TEP1: variants seen among roughly 807,000 people sequenced by gnomAD.
TEP1 encodes the protein telomerase associated protein 1, also known as telomerase protein component 1.
A neutral mutation model predicts 306.3 loss-of-function variants in TEP1; 241 were observed. The observed-to-expected ratio is 0.79, with a 90% CI of 0.71 to 0.88. The LOEUF (loss-of-function observed/expected upper bound fraction) is 0.88, where lower values mean the gene tolerates loss of function less well. Ranked by LOEUF, TEP1 falls within the 40% of genes least tolerant of loss-of-function variation. TEP1 has a pLI of 0.00. For synonymous variants in TEP1, 1,289 were observed against 1,305.5 expected, an observed-to-expected ratio of 0.99 and a Z score of 0.27; for missense variants, 3,051 against 3,276.1, an observed-to-expected ratio of 0.93 and a Z score of 1.68.
Position 20,395,922 on chromosome 14 carries a change from G to T in TEP1, c.1687C>A (p.Pro563Thr). 1.2e-6 allele frequency: 2 copies of T among 1,614,098 alleles called. No homozygotes were observed. Among genetic ancestry groups the T allele is most frequent in the Non-Finnish European group, 1.7e-6 (2 of 1,179,992 alleles). The part of the protein sequence containing the change: ...AKSVIHSRQF[P>T]FRFLNAHDAI... ...TCATGGGCGTTAAGAAATCTGAATGGAAACTGCCGACTGTGGATCACCGAC... is the reference window on the plus strand; with the variant it reads ...TCATGGGCGTTAAGAAATCTGAATGTAAACTGCCGACTGTGGATCACCGAC... Residue 563 changes from proline to threonine, a missense_variant, in exon 11 of 55, where the codon CCA becomes ACA. Physicochemically the swap from Pro to Thr is conservative, Grantham distance 38. Coordinates refer to ENST00000262715, the MANE Select transcript of TEP1 (RefSeq NM_007110.5).
chr14:20,404,442 C>T (rs111894686), intron 5 of TEP1, among the ~76,000 whole-genome samples, 169 bp downstream of exon 5: 115 of 151,874 alleles, frequency 7.6e-4, no homozygotes, highest in African/African-American at 2.7e-3. Flanking sequence ...ATCACATTCT[C>T]CATGCTGGAC....
At chr14:20,385,228 C>T (rs1206242532) in intron 20 of TEP1, 119 bp from the exon 21 acceptor site, 7 of 1,318,158 alleles carry the variant, frequency 5.3e-6, no homozygotes, top group African/African-American at 1.5e-5. Context: ...CCTCCAGGCA[C>T]AAGCAATAAA....
At chr14:20,374,744 TA>T (rs1464492793) in intron 43 of TEP1, among the ~76,000 whole-genome samples, 1 of 152,178 alleles carries the variant, frequency 6.6e-6, no homozygotes, top group Non-Finnish European at 1.5e-5. Context: ...TTAATGAGTA[TA>T]ATGATAATGT....
In TEP1 at chr14:20,368,439, A is replaced by T; in HGVS notation, c.7882T>A (p.Ter2628ArgextTer7). Residue 2628 changes from the stop codon to arginine (R), a stop_lost, in exon 55 of 55, where the codon TGA (stop) becomes AGA (arginine). Coordinates refer to ENST00000262715, the MANE Select transcript of TEP1 (RefSeq NM_007110.5). Reference sequence around the variant, plus strand: ...CATTATTCCCGAGTGGCACATCTTCATTCCCAATTCAGAAAGTACACATTG... The same window carrying T: ...CATTATTCCCGAGTGGCACATCTTCTTTCCCAATTCAGAAAGTACACATTG... The part of the protein sequence containing the change: ...QGNVYFLNWE[*>R] The T allele has an allele frequency of 1.2e-6, 2 of 1,614,092 alleles. No individual in the cohort carries two copies. The highest frequency in any genetic ancestry group is 2.7e-5 in the African/African-American group (2 of 75,038).
intron 41 of TEP1, 50 bp downstream of exon 41, chr14:20,377,226 AAAAG>A (rs1885228815): frequency 6.5e-5 from 94 of 1,446,070 alleles, no homozygotes; most frequent in Non-Finnish European, 7.9e-5. Context: ...AAAAAAAAAA[AAAAG>A]AAAAGAAAAG....
intron 33 of TEP1, 96 bp downstream of exon 33, chr14:20,380,835 C>T: frequency 9.6e-7 from 1 of 1,039,218 alleles, no homozygotes; most frequent in Non-Finnish European, 1.5e-6. Flanking sequence ...TTTTCCCTGA[C>T]ACCCACACCC....
chr14:20,403,627 G>C, intron 6 of TEP1, 96 bp downstream of exon 6: 2 of 1,595,090 alleles, frequency 1.3e-6, no homozygotes, highest in Non-Finnish European at 1.7e-6. Flanking sequence ...GACTCCCTTT[G>C]CTCCTGGTGT....
In TEP1 at chr14:20,403,374, C is replaced by T; in HGVS notation, c.1266+3G>A. The T allele has an allele frequency of 5.0e-6, 8 of 1,614,056 alleles. No individual in the cohort carries two copies. Among genetic ancestry groups the T allele is most frequent in the Non-Finnish European group, 6.8e-6 (8 of 1,180,006 alleles). On this transcript the variant is annotated splice_donor_region_variant and intron_variant, in intron 7 of 54. Transcript: ENST00000262715. ...ATATACAACCCCAGAAGAAGGGACT[C>T]ACCTTTCTCTGCTCTTCTCTGAGAA...
chr14:20,401,403 G>A (rs1878730162), intron 8 of TEP1, 54 bp downstream of exon 8: 7 of 1,604,856 alleles, frequency 4.4e-6, no homozygotes, highest in Non-Finnish European at 6.0e-6. Context: ...CACGGATGTT[G>A]AAAAGTTAAG....
Position 20,369,468 on chromosome 14 carries a change from G to A in TEP1, c.7532C>T (p.Thr2511Ile). ...TGTCCCTGGAGTTTGGGTTTCTGGA[G>A]TGTTTGCTTTTTTCTGCCACATGTT... ...TGNMWQKKAN[T>I]PETQTPGTDP... The change falls in exon 53 of 55, where the codon ACT (threonine) becomes ATT (isoleucine). Residue 2511 changes from threonine (T) to isoleucine (I), a missense_variant. Around this residue, in one of 3 missense-constraint regions of TEP1, gnomAD observed 1,540 missense variants for 1,705.9 expected, o/e 0.90. Coordinates refer to ENST00000262715, the MANE Select transcript of TEP1 (RefSeq NM_007110.5). 1.2e-6 allele frequency: 2 copies of A among 1,614,200 alleles called. No homozygotes were observed. Among genetic ancestry groups the A allele is most frequent in the Non-Finnish European group, 1.7e-6 (2 of 1,180,040 alleles).
chr14:20,385,468 G>A (rs930546625), intron 20 of TEP1, among the ~76,000 whole-genome samples: 19 of 152,026 alleles, frequency 1.2e-4, no homozygotes, highest in African/African-American at 4.4e-4. Flanking sequence ...CGCCTCCTCG[G>A]TTCAAGCAAT....
chr14:20,386,712 G>T, intron 18 of TEP1, 89 bp from the exon 19 acceptor site: 1 of 1,350,538 alleles, frequency 7.4e-7, no homozygotes, highest in Non-Finnish European at 9.6e-7. Flanking sequence ...TTAGCACTGA[G>T]CACAAGCCAG....
chr14:20,403,357 C>G lies in TEP1; in HGVS notation c.1266+20G>C. ...AGAGATTGTACATGCACATATACAA[C>G]CCCAGAAGAAGGGACTCACCTTTCT... On this transcript the variant is annotated intron_variant, in intron 7 of 54. Coordinates refer to ENST00000262715, the MANE Select transcript of TEP1 (RefSeq NM_007110.5). 1 of 1,613,684 alleles carries G rather than the reference C, an allele frequency of 6.2e-7. No individual in the cohort carries two copies. The highest frequency in any genetic ancestry group is 8.5e-7 in the Non-Finnish European group (1 of 1,179,898).
intron 7 of TEP1, among the ~76,000 whole-genome samples, chr14:20,402,158 A>AG (rs769393531): frequency 3.4e-4 from 51 of 152,062 alleles, no homozygotes; most frequent in Non-Finnish European, 6.3e-4. Context: ...CTACAAAAAA[A>AG]TTAGCTGGGC....
chr14:20,390,545 G>A (rs915594406), intron 15 of TEP1, 136 bp downstream of exon 15: 6 of 783,124 alleles, frequency 7.7e-6, no homozygotes, highest in Admixed American at 2.4e-5. Context: ...ACTGGGTAGG[G>A]GGTTGTAGCC....
rs879743976 is a variant in TEP1 at position 20,367,615 on chromosome 14, CTTT to C, written c.*819_*821del. ...CTCCTCACCTCTCATCTGGGTAGTT[CTTT>C]TTTTTTTTTTTTAGACAGAGTCTCG... On this transcript the variant is annotated 3_prime_UTR_variant, in exon 55 of 55. Transcript: ENST00000262715. The C allele has an allele frequency of 5.1e-5, 7 of 138,398 alleles. No individual in the cohort carries two copies. The highest frequency in any genetic ancestry group is 7.9e-5 in the Non-Finnish European group (5 of 63,118). 8.6% of individuals were successfully genotyped at this position (138,398 alleles called of 1,614,324 possible).
chr14:20,386,626 G>A lies in TEP1; in HGVS notation c.2685-3C>T. Reference sequence around the variant, plus strand: ...TGAAAAGCCGGATGCTGCGCCATCTGGGGATAAGCAGAGAGCTGGGCTCAG... The same window carrying A: ...TGAAAAGCCGGATGCTGCGCCATCTAGGGATAAGCAGAGAGCTGGGCTCAG... On this transcript the variant is annotated splice_polypyrimidine_tract_variant and splice_region_variant and intron_variant, in intron 18 of 54. Transcript: ENST00000262715. 6.3e-7 allele frequency: 1 copy of A among 1,591,190 alleles called. No homozygotes were observed. Among genetic ancestry groups the A allele is most frequent in the South Asian group, 1.1e-5 (1 of 88,312 alleles).
Position 20,381,119 on chromosome 14 carries a change from G to T in TEP1, c.4648-74C>A. On this transcript the variant is annotated intron_variant, in intron 32 of 54. Coordinates refer to ENST00000262715, the MANE Select transcript of TEP1 (RefSeq NM_007110.5). This position sits in a 1 kb window ranked among gnomAD's most constrained non-coding sequence, Gnocchi z 4.0. ...AAGGGACAGTTTAGTCTCAGAACCT[G>T]GATACAGAGATAGGATCTGAGCTGG... The T allele has an allele frequency of 7.6e-7, 1 of 1,311,696 alleles. No individual in the cohort carries two copies. The highest frequency in any genetic ancestry group is 1.1e-6 in the Non-Finnish European group (1 of 907,264). 81.3% of individuals were successfully genotyped at this position (1,311,696 alleles called of 1,614,324 possible). A position where few individuals can be genotyped will look rare whatever the true frequency, so the allele number is the denominator to read the frequency against.
chr14:20,385,198 CTGA>C (rs1877027453), intron 20 of TEP1, 89 bp from the exon 21 acceptor site: 1 of 1,522,034 alleles, frequency 6.6e-7, no homozygotes, highest in Admixed American at 1.8e-5. Flanking sequence ...TCCTGTATCT[CTGA>C]TGTTCCTCTC....
Sources: allele counts gnomAD v4.1 joint callset (sites outside exome capture counted in the v4.1 genomes callset), GRCh38; gene constraint gnomAD v4.1.1; regional missense constraint gnomAD v4.1.1; non-coding constraint Gnocchi (gnomAD v3.1); transcripts MANE v1.5; gene names NCBI Gene and HGNC (gene_info 2026-07-23, HGNC 2026-07-21).